GSE1: variants seen among roughly 807,000 people sequenced by gnomAD.
GSE1 encodes genetic suppressor element 1.
In GSE1, 32 loss-of-function variants were observed where a neutral mutation model predicts 112.6. That is an observed-to-expected ratio of 0.28 (90% CI 0.21 to 0.38). The LOEUF (loss-of-function observed/expected upper bound fraction) is 0.38, where lower values mean the gene tolerates loss of function less well. Ranked by LOEUF, GSE1 falls within the 10% of genes least tolerant of loss-of-function variation. The pLI, the probability that GSE1 is intolerant of heterozygous loss-of-function variation, is 1.00. For synonymous variants in GSE1, 1,115 were observed against 735.6 expected (o/e 1.52, Z -8.35); for missense variants, 2,348 against 1,699.2 (o/e 1.38, Z -6.71).
chr16:85,291,900 G>C (rs950027611), intron 1 of GSE1, among the ~76,000 whole-genome samples: 1 of 152,164 alleles, frequency 6.6e-6, no homozygotes, highest in Non-Finnish European at 1.5e-5. Context: ...TATTAGAGCC[G>C]GCTTTGGGTT....
chr16:85,598,224 A>C (rs924470504), intron 1 of GSE1, among the ~76,000 whole-genome samples: 3 of 125,676 alleles, frequency 2.4e-5, no homozygotes, highest in African/African-American at 9.3e-5. Flanking sequence ...GTAGGGCTGG[A>C]CAAGAGGGCC....
intron 1 of GSE1, among the ~76,000 whole-genome samples, chr16:85,625,904 G>A (rs1333745299): frequency 3.3e-5 from 5 of 152,268 alleles, no homozygotes; most frequent in Admixed American, 1.3e-4. Flanking sequence ...CGGGCCAGGC[G>A]CTGTGTTGCT....
chr16:85,527,599 C>T (rs909456865), intron 2 of GSE1, among the ~76,000 whole-genome samples: 2 of 152,254 alleles, frequency 1.3e-5, no homozygotes, highest in African/African-American at 2.4e-5. Flanking sequence ...GGGCTTGCAG[C>T]GGTGAATGGG....
At chr16:85,209,799 G>C (rs1451429041) in intron 1 of GSE1, among the ~76,000 whole-genome samples, 1 of 152,228 alleles carries the variant, frequency 6.6e-6, no homozygotes, top group African/African-American at 2.4e-5. Context: ...GGCTGAGGGG[G>C]CCGCTGGGAG....
At chr16:85,174,304 G>T (rs1350254192) in intron 1 of GSE1, among the ~76,000 whole-genome samples, 2 of 152,214 alleles carry the variant, frequency 1.3e-5, no homozygotes, top group Non-Finnish European at 2.9e-5. Flanking sequence ...AAAGAAAGTG[G>T]AACGGACTGA....
intron 2 of GSE1, among the ~76,000 whole-genome samples, chr16:85,473,957 C>T (rs968723885): frequency 6.6e-6 from 1 of 152,018 alleles, no homozygotes; most frequent in East Asian, 1.9e-4. Flanking sequence ...TCCAGACAGA[C>T]GAACAGCCTG....
chr16:85,568,842 G>A lies in GSE1; in HGVS notation c.37+12479G>A, dbSNP rs140148940. ...CCTGGATCACCCTGGGTTCACAGCG[G>A]TCTGTTCTCACTTTGGAGCTGCTGT... On this transcript the variant is annotated intron_variant, in intron 1 of 2. Coordinates refer to the GSE1 transcript ENST00000635906. 2.3e-3 allele frequency among the ~76,000 whole-genome samples: 343 copies of A among 152,334 alleles called. 3 individuals carry two copies. Among genetic ancestry groups the A allele is most frequent in the South Asian group, 0.011 (54 of 4,824 alleles).
At chr16:85,619,195 G>T (rs1316833649) in intron 1 of GSE1, among the ~76,000 whole-genome samples, 1 of 152,166 alleles carries the variant, frequency 6.6e-6, no homozygotes, top group Non-Finnish European at 1.5e-5. Flanking sequence ...TGCCCCCTTG[G>T]TGATTGGCAC....
At chr16:85,240,068 G>A (rs749305901) in intron 1 of GSE1, among the ~76,000 whole-genome samples, 5 of 152,286 alleles carry the variant, frequency 3.3e-5, no homozygotes, top group Admixed American at 1.3e-4. Flanking sequence ...CCGCCAGTGC[G>A]TGGCTTTAAG....
chr16:85,211,506 G>A (rs2075224937), intron 1 of GSE1, among the ~76,000 whole-genome samples: 2 of 152,150 alleles, frequency 1.3e-5, no homozygotes, highest in African/African-American at 4.8e-5. Flanking sequence ...CACTGGCGGC[G>A]AGCCTCGCTT....
intron 1 of GSE1, among the ~76,000 whole-genome samples, chr16:85,322,557 A>G (rs550210574): frequency 1.4e-5 from 2 of 147,944 alleles, no homozygotes; most frequent in South Asian, 2.2e-4. Context: ...TGCTCTAGGG[A>G]TGTTGTTCCC....
At chr16:85,491,689 C>T (rs1015885744) in intron 2 of GSE1, among the ~76,000 whole-genome samples, 5 of 152,024 alleles carry the variant, frequency 3.3e-5, no homozygotes, top group African/African-American at 1.2e-4. Context: ...CGAGCCTGGT[C>T]TCCTTTCAGG....
intron 1 of GSE1, among the ~76,000 whole-genome samples, chr16:85,633,533 C>T (rs557853289): frequency 2.6e-5 from 4 of 152,194 alleles, no homozygotes; most frequent in South Asian, 4.1e-4. Context: ...GCGGGCCGCA[C>T]GCCTCCTCCG....
chr16:85,388,319 G>GATGA (rs2047743482), intron 2 of GSE1, among the ~76,000 whole-genome samples: 4 of 62,382 alleles, frequency 6.4e-5, no homozygotes, highest in Admixed American at 1.4e-4. Context: ...TGGATGGATG[G>GATGA]ATGGATGGAT....
At chr16:85,435,594 G>T (rs2049227828) in intron 2 of GSE1, among the ~76,000 whole-genome samples, 1 of 152,058 alleles carries the variant, frequency 6.6e-6, no homozygotes, top group African/African-American at 2.4e-5. Flanking sequence ...TGCTGCCCCT[G>T]CAACTCCTCC....
intron 1 of GSE1, among the ~76,000 whole-genome samples, chr16:85,276,066 C>T (rs9941031): frequency 6.6e-6 from 1 of 152,166 alleles, no homozygotes; most frequent in Non-Finnish European, 1.5e-5. Flanking sequence ...AAAAGATGGT[C>T]CTGGTAGATT....
At chr16:85,589,995 TGA>T (rs2046912299) in intron 1 of GSE1, among the ~76,000 whole-genome samples, 3 of 152,028 alleles carry the variant, frequency 2.0e-5, no homozygotes, top group Admixed American at 6.6e-5. Flanking sequence ...TGTGTGAATG[TGA>T]GACTGTGTGA....
chr16:85,359,937 G>A (rs1321523714), intron 2 of GSE1, among the ~76,000 whole-genome samples: 1 of 152,220 alleles, frequency 6.6e-6, no homozygotes, highest in African/African-American at 2.4e-5. Context: ...AGGTGGCTGA[G>A]GTGGGAGGAT....
At chr16:85,306,087 T>A (rs1270859027) in intron 1 of GSE1, 1 of 153,826 alleles carries the variant, frequency 6.5e-6, no homozygotes, top group Non-Finnish European at 1.5e-5. Flanking sequence ...TGAGACCCTG[T>A]CTGAAAAAAT....
Sources: allele counts gnomAD v4.1 joint callset (sites outside exome capture counted in the v4.1 genomes callset), GRCh38; gene constraint gnomAD v4.1.1; transcripts MANE v1.5; gene names NCBI Gene and HGNC (gene_info 2026-07-23, HGNC 2026-07-21).